Variants in PCDH15 observed in about 807,000 individuals in gnomAD.
The protein encoded by PCDH15 is protocadherin-15.
Under a neutral mutation model 178.5 loss-of-function variants are expected in PCDH15, and 129 were observed. The ratio of observed to expected loss-of-function variants is 0.72; its 90% CI spans 0.63 to 0.84. PCDH15 has a LOEUF of 0.84. PCDH15 is among the 40% of genes least tolerant of loss of function. PCDH15 has a pLI of 0.00. For synonymous variants in PCDH15, 800 were observed against 732.0 expected (o/e 1.09, Z -1.50); for missense variants, 2,230 against 2,099.9 (o/e 1.06, Z -1.21).
At position 53,849,878 on chromosome 10, in the gene PCDH15, A is replaced by G. The variant is rs796381124; in HGVS notation, c.3806+7297T>C. ...TCCGTCTCAAAAAAAAAAAAAAAAA[A>G]AAAAAGAAAGAAAGAAAAATTTGTA... On this transcript the variant is annotated intron_variant, in intron 28 of 37. Coordinates refer to ENST00000644397, the MANE Select transcript of PCDH15 (RefSeq NM_001384140.1). Among the ~76,000 whole-genome samples, 151 of 150,374 alleles carry G rather than the reference A, an allele frequency of 1.0e-3. 1 individual carries two copies. Among genetic ancestry groups the G allele is most frequent in the African/African-American group, 1.6e-3 (65 of 41,034 alleles).
intron 3 of PCDH15, among the ~76,000 whole-genome samples, chr10:54,413,288 G>A (rs1953835162): frequency 6.6e-6 from 1 of 152,060 alleles, no homozygotes; most frequent in Admixed American, 6.6e-5. Context: ...TGTGATTGTT[G>A]GTTTGTGAAT....
At chr10:54,021,852 C>T (rs1353108011) in intron 19 of PCDH15, among the ~76,000 whole-genome samples, 1 of 151,830 alleles carries the variant, frequency 6.6e-6, no homozygotes, top group Non-Finnish European at 1.5e-5. Context: ...TCCCCTAGGA[C>T]AGCATGAATT....
chr10:54,275,217 TCTTA>T lies in PCDH15; in HGVS notation c.877-38290_877-38287del, dbSNP rs1268744139. On this transcript the variant is annotated intron_variant, in intron 8 of 37. Transcript: ENST00000644397. ...GAAAAAAATATATATATACGTTAAATCTTAACACTGAAAAGCAACAAAAATATGG... is the reference window on the plus strand; with the variant it reads ...GAAAAAAATATATATATACGTTAAATACACTGAAAAGCAACAAAAATATGG... Among the ~76,000 whole-genome samples, 840 of 151,998 alleles carry T rather than the reference TCTTA, an allele frequency of 5.5e-3. 10 individuals are homozygous for T. Among genetic ancestry groups the T allele is most frequent in the African/African-American group, 0.019 (804 of 41,518 alleles).
intron 2 of PCDH15, among the ~76,000 whole-genome samples, chr10:55,062,857 C>T (rs964037649): frequency 2.6e-5 from 4 of 152,076 alleles, no homozygotes; most frequent in African/African-American, 9.7e-5. Flanking sequence ...TGGGAAATCT[C>T]TGTACCTTCC....
chr10:55,466,368 C>T (rs536677994), intron 2 of PCDH15, among the ~76,000 whole-genome samples: 1 of 151,934 alleles, frequency 6.6e-6, no homozygotes, highest in Non-Finnish European at 1.5e-5. Flanking sequence ...AGTTTAATAT[C>T]TAATTGGAGG....
At chr10:54,897,962 G>A (rs1230536233) in intron 2 of PCDH15, among the ~76,000 whole-genome samples, 1 of 152,094 alleles carries the variant, frequency 6.6e-6, no homozygotes, top group Admixed American at 6.6e-5. Flanking sequence ...GTATAATATA[G>A]TTTGGATATC....
rs767087083 is a variant in PCDH15 at position 53,947,143 on chromosome 10, G to A, written c.3123-6168C>T. Among the ~76,000 whole-genome samples, 3 of 152,144 alleles carry A rather than the reference G, an allele frequency of 2.0e-5. No homozygotes were observed. In the South Asian group the frequency reaches 6.2e-4, roughly 32 times the overall value. ...AGATTACAATAAATCTTTCAACTGA[G>A]TATATATTAACTAATTTTCTGAATA... On this transcript the variant is annotated intron_variant, in intron 23 of 37. Coordinates refer to ENST00000644397, the MANE Select transcript of PCDH15 (RefSeq NM_001384140.1).
At chr10:54,619,323 AAGT>A (rs2093283022) in intron 2 of PCDH15, 1 of 152,030 alleles carries the variant, frequency 6.6e-6, no homozygotes, top group Non-Finnish European at 1.5e-5. Flanking sequence ...GACTTAAAAA[AAGT>A]AAGTAATTTA....
At chr10:55,403,412 C>T (rs1219096242) in intron 2 of PCDH15, among the ~76,000 whole-genome samples, 1 of 151,378 alleles carries the variant, frequency 6.6e-6, no homozygotes, top group African/African-American at 2.4e-5. Context: ...TTTTTATTAC[C>T]TGTTTATTTG....
intron 33 of PCDH15, among the ~76,000 whole-genome samples, chr10:53,819,804 G>A (rs1272454935): frequency 6.6e-6 from 1 of 151,862 alleles, no homozygotes; most frequent in Non-Finnish European, 1.5e-5. Context: ...TCATATAGAA[G>A]ATATTTTAAC....
Position 54,127,776 on chromosome 10 carries a change from T to C in PCDH15, c.1917+5099A>G, listed in dbSNP as rs553369183. Among the ~76,000 whole-genome samples, 25 of 152,340 alleles carry C rather than the reference T, an allele frequency of 1.6e-4. No homozygotes were observed. In the South Asian group the frequency reaches 4.1e-3, roughly 25 times the overall value. ...AGAATAAAATGAAACAGTTTTATTC[T>C]TCCCAAGATCTTTTCAGGCTTTTAT... is the stretch of plus-strand genomic sequence containing the variant. On this transcript the variant is annotated intron_variant, in intron 15 of 37. Transcript: ENST00000644397.
At chr10:54,081,321 T>C (rs2094434423) in intron 16 of PCDH15, among the ~76,000 whole-genome samples, 1 of 151,760 alleles carries the variant, frequency 6.6e-6, no homozygotes, top group Non-Finnish European at 1.5e-5. Flanking sequence ...AATATATATG[T>C]ATACTCTATA....
intron 3 of PCDH15, among the ~76,000 whole-genome samples, chr10:54,520,415 A>T (rs1435688498): frequency 6.6e-6 from 1 of 152,328 alleles, no homozygotes; most frequent in East Asian, 1.9e-4. Context: ...ATATAAACAG[A>T]CACTTCTCAA....
rs563610055 is a variant in PCDH15, at chr10:54,716,632, G to T, written c.-28-52342C>A. ...TTTTGTATCCTGAGACTTTGCTGAA[G>T]TTGCTTATCAGCTTAAGGAGATTTT... On this transcript the variant is annotated intron_variant, in intron 1 of 37. Coordinates refer to ENST00000644397, the MANE Select transcript of PCDH15 (RefSeq NM_001384140.1). 3.3e-5 allele frequency among the ~76,000 whole-genome samples: 5 copies of T among 152,168 alleles called. No individual in the cohort carries two copies. In the South Asian group the frequency reaches 1.0e-3, roughly 32 times the overall value.
intron 3 of PCDH15, among the ~76,000 whole-genome samples, chr10:54,895,736 C>T (rs1423863027): frequency 6.6e-6 from 1 of 152,060 alleles, no homozygotes; most frequent in Non-Finnish European, 1.5e-5. Context: ...ACCAAAGAAA[C>T]AATAGTTCTT....
intron 1 of PCDH15, among the ~76,000 whole-genome samples, chr10:54,714,358 T>C (rs947035736): frequency 6.6e-5 from 10 of 152,134 alleles, no homozygotes; most frequent in Non-Finnish European, 1.0e-4. Flanking sequence ...TAATAGAACT[T>C]ACAGCACGTA....
intron 2 of PCDH15, among the ~76,000 whole-genome samples, chr10:55,027,426 A>G (rs987768027): frequency 2.0e-5 from 3 of 151,788 alleles, no homozygotes; most frequent in African/African-American, 7.2e-5. Flanking sequence ...ATCAGAGGTG[A>G]ATGAGGGGGT....
chr10:54,131,621 T>C (rs1262105756), intron 15 of PCDH15, among the ~76,000 whole-genome samples: 2 of 152,162 alleles, frequency 1.3e-5, no homozygotes, highest in Non-Finnish European at 2.9e-5. Context: ...AAGCAAACTT[T>C]CTCTAAGTAC....
chr10:53,823,115 T>G, intron 32 of PCDH15: 4 of 1,614,048 alleles, frequency 2.5e-6, no homozygotes, highest in Non-Finnish European at 3.4e-6. Context: ...CTGAATTTGT[T>G]GATACTTGAC....
Sources: gnomAD v4.1 joint callset for allele counts (sites outside exome capture counted in the v4.1 genomes callset) on GRCh38, gnomAD v4.1.1 for gene constraint, MANE v1.5 for transcripts, NCBI Gene and HGNC (gene_info 2026-07-23, HGNC 2026-07-21) for gene names.